The following SETD2 variants were observed in gnomAD, a reference collection of about 807,000 sequenced individuals.
The protein encoded by SETD2 is SET domain containing 2, histone lysine methyltransferase.
Under a neutral mutation model 242.1 loss-of-function variants are expected in SETD2, and 31 were observed. That is an observed-to-expected ratio of 0.13 (90% CI 0.10 to 0.17). SETD2 has a LOEUF of 0.17. SETD2 is among the 10% of genes least tolerant of loss of function. The pLI, the probability that SETD2 is intolerant of heterozygous loss-of-function variation, is 1.00. For missense variants in SETD2, 2,481 were observed against 3,046.3 expected, an observed-to-expected ratio of 0.81 and a Z score of 4.37; for synonymous variants, 1,006 against 1,066.5, an observed-to-expected ratio of 0.94 and a Z score of 1.11.
rs2106670065 is a variant in SETD2, at chr3:47,122,131, T to A, written c.2505A>T (p.Ile835=). The change falls in exon 3 of 21, where the codon ATA becomes ATT. Residue 835 remains isoleucine (I), a synonymous_variant. Transcript: ENST00000409792. ...MNVHLESKPV[I]CDSRNLTDHS... ...GATCTGTCAAATTTCTACTATCACA[T>A]ATAACTGGTTTTGATTCCAAATGCA... is the stretch of plus-strand genomic sequence containing the variant. 1 of 1,613,980 alleles carries A rather than the reference T, an allele frequency of 6.2e-7. No individual in the cohort carries two copies. Among genetic ancestry groups the A allele is most frequent in the Non-Finnish European group, 8.5e-7 (1 of 1,179,932 alleles).
intron 1 of SETD2, among the ~76,000 whole-genome samples, chr3:47,127,004 T>TA (rs1392994492): frequency 3.9e-5 from 6 of 152,058 alleles, no homozygotes; most frequent in African/African-American, 1.4e-4. Flanking sequence ...GAAATATATA[T>TA]AGTAAGGCAG....
At position 47,121,460 on chromosome 3, in the gene SETD2, C is replaced by T. The variant is rs558262802; in HGVS notation, c.3176G>A (p.Ser1059Asn). The change falls in exon 3 of 21, where the codon AGC becomes AAC. Residue 1059 changes from serine (S) to asparagine (N), a missense_variant. Ser to Asn is a conservative substitution (Grantham distance 46). Coordinates refer to ENST00000409792, the MANE Select transcript of SETD2 (RefSeq NM_014159.7). ...CTGGAGACGGTTTCTTGGAATACTG[C>T]TATCATCCGAATCTGTATCTTCTGA... ...SDSEDTDSDD[S>N]SIPRNRLQSV... The T allele has an allele frequency of 2.4e-5, 38 of 1,613,358 alleles. 2 individuals are homozygous for T. The South Asian group carries it at 4.2e-4, about 18-fold the overall frequency.
At chr3:47,056,735 G>T in intron 15 of SETD2, 86 bp downstream of exon 15, 3 of 1,053,404 alleles carry the variant, frequency 2.8e-6, no homozygotes, top group Non-Finnish European at 4.3e-6. Context: ...GTAGTCCATG[G>T]TAAGACTTCC....
At position 47,017,268 on chromosome 3, in the gene SETD2, A is replaced by C; in HGVS notation, c.7534-14T>G. ...ACCGTGAGTCAGCTGTCCAGGGCAC[A>C]GGAAGAGAGACCACAGCCACCAATC... On this transcript the variant is annotated splice_polypyrimidine_tract_variant and intron_variant, in intron 20 of 20. Transcript: ENST00000409792. The surrounding 1 kb of genome is among the most constrained non-coding windows in gnomAD (Gnocchi z 4.8). 1 of 1,613,630 alleles carries C rather than the reference A, an allele frequency of 6.2e-7. No individual in the cohort carries two copies. The highest frequency in any genetic ancestry group is 1.3e-5 in the African/African-American group (1 of 75,014).
At chr3:47,062,109 T>C (rs2107588089) in intron 14 of SETD2, 54 bp downstream of exon 14, 2 of 1,550,188 alleles carry the variant, frequency 1.3e-6, no homozygotes, top group South Asian at 1.2e-5. Flanking sequence ...TTGGGTACTT[T>C]TTAACTTGCT....
At chr3:47,157,157 G>T (rs952252605) in intron 1 of SETD2, among the ~76,000 whole-genome samples, 6 of 152,108 alleles carry the variant, frequency 3.9e-5, no homozygotes, top group African/African-American at 7.2e-5. Context: ...CCGCTACTCA[G>T]AAGGCTGAAG....
At chr3:47,151,474 A>G (rs2043981825) in intron 1 of SETD2, among the ~76,000 whole-genome samples, 1 of 152,214 alleles carries the variant, frequency 6.6e-6, no homozygotes, top group African/African-American at 2.4e-5. Context: ...CTGGAAAAAA[A>G]GTCCTATCAC....
chr3:47,069,355 TC>T lies in SETD2; in HGVS notation c.6061-2238del, dbSNP rs929380058. 7.9e-5 allele frequency among the ~76,000 whole-genome samples: 12 copies of T among 152,254 alleles called. 1 individual carries two copies. The highest frequency in any genetic ancestry group is 7.2e-4 in the Admixed American group (11 of 15,292). On this transcript the variant is annotated intron_variant, in intron 12 of 20. Transcript: ENST00000409792. Reference sequence around the variant, plus strand: ...TGACATCCTCCATCCCCTTAACCTCTCCTTCCTATGTAGAAGAACTTTCATT... The same window carrying T: ...TGACATCCTCCATCCCCTTAACCTCTCTTCCTATGTAGAAGAACTTTCATT...
intron 11 of SETD2, 143 bp from the exon 12 acceptor site, chr3:47,084,525 A>G: frequency 1.6e-6 from 1 of 608,352 alleles, no homozygotes; most frequent in South Asian, 2.1e-5. Flanking sequence ...CCTGGGTTCA[A>G]GCAATTCTCC....
intron 14 of SETD2, among the ~76,000 whole-genome samples, chr3:47,061,868 TC>T (rs1239633070): frequency 1.3e-5 from 2 of 152,158 alleles, no homozygotes; most frequent in Admixed American, 1.3e-4. Context: ...AAGACTTATC[TC>T]CCACCAACCC....
chr3:47,076,948 T>C (rs1220078073), intron 12 of SETD2, among the ~76,000 whole-genome samples: 1 of 152,228 alleles, frequency 6.6e-6, no homozygotes, highest in African/African-American at 2.4e-5. Flanking sequence ...TAATCACATC[T>C]ATGTTTTTAA....
At chr3:47,071,068 CA>C (rs2040799143) in intron 12 of SETD2, among the ~76,000 whole-genome samples, 1 of 152,102 alleles carries the variant, frequency 6.6e-6, no homozygotes, top group African/African-American at 2.4e-5. Context: ...CTCCCATGCT[CA>C]AGGGATGCTT....
At position 47,084,313 on chromosome 3, in the gene SETD2, T is replaced by C. The variant is rs1403488230; in HGVS notation, c.5467A>G (p.Ile1823Val). ...TTAGTCTGAGACCAGCGTTGAATAA[T>C]TGGAAGTACTTTGCTTTCCTCCAAC... ...NMLEESKVLP[I>V]IQRWSQTKTA... The change falls in exon 12 of 21, where the codon ATT (isoleucine) becomes GTT (valine). Residue 1823 changes from isoleucine (I) to valine (V), a missense_variant. By Grantham distance (29) the Ile-to-Val change is conservative. Around this residue, in one of 17 missense-constraint regions of SETD2, gnomAD observed 62 missense variants for 136.7 expected, o/e 0.45. Coordinates refer to ENST00000409792, the MANE Select transcript of SETD2 (RefSeq NM_014159.7). 8 of 1,613,978 alleles carry C rather than the reference T, an allele frequency of 5.0e-6. No homozygotes were observed. The highest frequency in any genetic ancestry group is 1.7e-5 in the Admixed American group (1 of 60,008).
intron 12 of SETD2, among the ~76,000 whole-genome samples, chr3:47,082,372 T>A (rs1011604565): frequency 3.9e-5 from 6 of 152,170 alleles, no homozygotes; most frequent in Admixed American, 3.3e-4. Context: ...CTTGTCTTCA[T>A]CTCCACCTTC....
At chr3:47,075,152 A>C (rs2041001207) in intron 12 of SETD2, among the ~76,000 whole-genome samples, 1 of 151,514 alleles carries the variant, frequency 6.6e-6, no homozygotes, top group African/African-American at 2.4e-5. Context: ...AAAAAAAAAA[A>C]TCTCTGCAGT....
At chr3:47,037,343 C>T (rs1237431254) in intron 18 of SETD2, among the ~76,000 whole-genome samples, 5 of 131,938 alleles carry the variant, frequency 3.8e-5, no homozygotes, top group Non-Finnish European at 6.2e-5. Flanking sequence ...CATGTGTTCT[C>T]GTTGTTCAAT....
rs558486080 is a variant in SETD2, at chr3:47,122,900, T to A, written c.1736A>T (p.Asn579Ile). ...AGAATGAGACTGTTTGATTTCTTCA[T>A]TTAATTCTGTACAACAGAAAGAATT... ...FKNSFCCTELNEEIKQSHSFS... is the reference protein window; with the variant it reads ...FKNSFCCTELIEEIKQSHSFS... Residue 579 changes from asparagine to isoleucine, a missense_variant, in exon 3 of 21, where the codon AAT becomes ATT. Around this residue, in one of 17 missense-constraint regions of SETD2, gnomAD observed 1,300 missense variants for 1,259.2 expected, o/e 1.03. Coordinates refer to ENST00000409792, the MANE Select transcript of SETD2 (RefSeq NM_014159.7). The A allele has an allele frequency of 2.2e-5, 35 of 1,610,584 alleles. No individual in the cohort carries two copies. In the South Asian group the frequency reaches 3.0e-4, roughly 14 times the overall value.
intron 1 of SETD2, among the ~76,000 whole-genome samples, chr3:47,145,277 A>G (rs1008998882): frequency 1.3e-5 from 2 of 152,236 alleles, no homozygotes; most frequent in South Asian, 2.1e-4. Flanking sequence ...CCAAGTCTAC[A>G]CACCAAATTT....
At chr3:47,094,282 T>C (rs368928496) in intron 9 of SETD2, among the ~76,000 whole-genome samples, 4 of 152,326 alleles carry the variant, frequency 2.6e-5, no homozygotes, top group South Asian at 2.1e-4. Context: ...GTGTGTGACA[T>C]AGCCAAAGAT....
Sources: gnomAD v4.1 joint callset for allele counts (sites outside exome capture counted in the v4.1 genomes callset) on GRCh38, gnomAD v4.1.1 for gene constraint, gnomAD v4.1.1 regional missense constraint, Gnocchi (gnomAD v3.1) non-coding constraint, MANE v1.5 for transcripts, NCBI Gene and HGNC (gene_info 2026-07-23, HGNC 2026-07-21) for gene names.